Variants in PTPRG observed in about 807,000 individuals in gnomAD.
PTPRG encodes receptor-type tyrosine-protein phosphatase gamma.
Under a neutral mutation model 165.3 loss-of-function variants are expected in PTPRG, and 102 were observed. The observed-to-expected ratio is 0.62, with a 90% CI of 0.53 to 0.73. The LOEUF (loss-of-function observed/expected upper bound fraction) is 0.73. PTPRG is among the 30% of genes least tolerant of loss of function. The pLI, the probability that PTPRG is intolerant of heterozygous loss-of-function variation, is 0.00. For synonymous variants in PTPRG, 675 were observed against 669.5 expected (o/e 1.01, Z -0.13); for missense variants, 1,866 against 1,861.4 (o/e 1.00, Z -0.05).
chr3:62,088,019 G>A (rs1701806485), intron 5 of PTPRG, among the ~76,000 whole-genome samples: 1 of 152,160 alleles, frequency 6.6e-6, no homozygotes, highest in South Asian at 2.1e-4. Flanking sequence ...GGTTATGTAA[G>A]CATAGTGTGA....
In PTPRG at chr3:62,255,695, T is replaced by C. The variant is rs1489012885; in HGVS notation, c.2559+480T>C. On this transcript the variant is annotated intron_variant, in intron 16 of 29. Transcript: ENST00000474889. The surrounding 1 kb of genome is among the most constrained non-coding windows in gnomAD (Gnocchi z 4.0). ...CCCCAGTTTTCCCATTTTTGAAAAA[T>C]GGCACCAATGTCACCTACATTGTAA... Among the ~76,000 whole-genome samples, 2 of 152,148 alleles carry C rather than the reference T, an allele frequency of 1.3e-5. No homozygotes were observed. Among genetic ancestry groups the C allele is most frequent in the African/African-American group, 4.8e-5 (2 of 41,436 alleles).
intron 1 of PTPRG, among the ~76,000 whole-genome samples, chr3:61,740,707 T>A (rs542257978): frequency 6.6e-6 from 1 of 152,304 alleles, no homozygotes; most frequent in African/African-American, 2.4e-5. Flanking sequence ...GATTCCTCTT[T>A]CCCTTGAATT....
At chr3:61,926,612 C>CCTCCCTCCCTCCCTCCTTCT (rs2039219291) in intron 2 of PTPRG, among the ~76,000 whole-genome samples, 1 of 136,182 alleles carries the variant, frequency 7.3e-6, no homozygotes, top group Non-Finnish European at 1.5e-5. Context: ...TCCCTCCCTC[C>CCTCCCTCCCTCCCTCCTTCT]TTCCTTCCTT....
At chr3:61,819,827 T>C (rs1055524605) in intron 2 of PTPRG, among the ~76,000 whole-genome samples, 5 of 152,198 alleles carry the variant, frequency 3.3e-5, no homozygotes, top group Non-Finnish European at 7.3e-5. Context: ...TAAATGAGAT[T>C]AAGGAATACC....
At chr3:62,197,529 C>T (rs1440811687) in intron 10 of PTPRG, among the ~76,000 whole-genome samples, 1 of 152,122 alleles carries the variant, frequency 6.6e-6, no homozygotes, top group Non-Finnish European at 1.5e-5. Flanking sequence ...ACATATTGGT[C>T]TCTTTCCCTG....
chr3:61,582,478 A>C (rs555618304), intron 1 of PTPRG, among the ~76,000 whole-genome samples: 1 of 152,294 alleles, frequency 6.6e-6, no homozygotes, highest in East Asian at 1.9e-4. Context: ...ACAGCATGAG[A>C]TAGAACAATT....
chr3:61,681,701 T>A (rs1231205114), intron 1 of PTPRG, among the ~76,000 whole-genome samples: 1 of 152,214 alleles, frequency 6.6e-6, no homozygotes, highest in Non-Finnish European at 1.5e-5. Context: ...GTATTTGATA[T>A]GGGCATGTAG....
At chr3:61,925,420 A>C (rs940182080) in intron 2 of PTPRG, among the ~76,000 whole-genome samples, 4 of 152,116 alleles carry the variant, frequency 2.6e-5, no homozygotes, top group African/African-American at 9.7e-5. Flanking sequence ...CTTCTTCATC[A>C]CCGGAAGCCC....
chr3:61,913,256 A>G (rs1021988285), intron 2 of PTPRG, among the ~76,000 whole-genome samples: 16 of 151,882 alleles, frequency 1.1e-4, no homozygotes, highest in Admixed American at 5.2e-4. Flanking sequence ...GTCTCGCTCT[A>G]TCACCCAGGC....
chr3:62,081,129 C>T (rs1411235769), intron 5 of PTPRG, among the ~76,000 whole-genome samples: 2 of 151,466 alleles, frequency 1.3e-5, no homozygotes, highest in Admixed American at 1.3e-4. Context: ...TGGTGGCGGG[C>T]ACCTGTAGTC....
At chr3:61,780,903 A>G (rs192856095) in intron 2 of PTPRG, among the ~76,000 whole-genome samples, 23 of 152,256 alleles carry the variant, frequency 1.5e-4, no homozygotes, top group Non-Finnish European at 3.1e-4. Flanking sequence ...GCGTGATATT[A>G]TAAGTTAATG....
intron 1 of PTPRG, among the ~76,000 whole-genome samples, chr3:61,621,437 G>T (rs1314870956): frequency 6.6e-6 from 1 of 152,198 alleles, no homozygotes; most frequent in African/African-American, 2.4e-5. Flanking sequence ...CTCCCCAGGT[G>T]TGGGGTGTAG....
intron 1 of PTPRG, among the ~76,000 whole-genome samples, chr3:61,587,093 C>T (rs954340380): frequency 1.3e-5 from 2 of 152,152 alleles, no homozygotes; most frequent in African/African-American, 2.4e-5. Context: ...TGACAGTATA[C>T]ACAGTCTTGA....
In PTPRG at chr3:61,866,263, C is replaced by G. The variant is rs541525255; in HGVS notation, c.190+117281C>G. On this transcript the variant is annotated intron_variant, in intron 2 of 29. Coordinates refer to ENST00000474889, the MANE Select transcript of PTPRG (RefSeq NM_002841.4). Reference sequence around the variant, plus strand: ...CTGCATATTAAATACCTGCACTTCCCTTTTCCCATCCTGATACAGATGATT... The same window carrying G: ...CTGCATATTAAATACCTGCACTTCCGTTTTCCCATCCTGATACAGATGATT... 1.1e-4 allele frequency among the ~76,000 whole-genome samples: 17 copies of G among 152,282 alleles called. No individual in the cohort carries two copies. In the South Asian group the frequency reaches 2.7e-3, roughly 24 times the overall value.
Position 62,132,601 on chromosome 3 carries a change from G to C in PTPRG, c.616-1G>C. ...ACCAATCATGTTTCCTTTACATTTA[G>C]GTCAGTCCGAGGGACAATTCTGCAC... On this transcript the variant is annotated splice_acceptor_variant, in intron 5 of 29. Coordinates refer to ENST00000474889, the MANE Select transcript of PTPRG (RefSeq NM_002841.4). LOFTEE classifies it high-confidence loss of function. The C allele has an allele frequency of 6.2e-7, 1 of 1,604,398 alleles. No homozygotes were observed. The highest frequency in any genetic ancestry group is 8.5e-7 in the Non-Finnish European group (1 of 1,171,184).
At position 61,887,123 on chromosome 3, in the gene PTPRG, C is replaced by CATATATAT. The variant is rs148352398; in HGVS notation, c.191-102461_191-102454dup. ...ATTTTTAAAGTATAACCATAGCATG[C>CATATATAT]ATATATATATATATATATATATATA... On this transcript the variant is annotated intron_variant, in intron 2 of 29. Transcript: ENST00000474889. 6.0e-3 allele frequency among the ~76,000 whole-genome samples: 515 copies of CATATATAT among 85,786 alleles called. 33 individuals carry two copies. Among genetic ancestry groups the CATATATAT allele is most frequent in the Middle Eastern group, 0.01 (2 of 196 alleles). 56.3% of individuals were successfully genotyped at this position (85,786 alleles called of 152,430 possible).
At chr3:61,755,507 C>G (rs1433180018) in intron 2 of PTPRG, among the ~76,000 whole-genome samples, 2 of 152,182 alleles carry the variant, frequency 1.3e-5, no homozygotes, top group African/African-American at 4.8e-5. Flanking sequence ...ATTAATCTTA[C>G]AGTTTTAAAG....
rs1216967376 is a variant in PTPRG at position 62,228,905 on chromosome 3, ACTGGAC to A, written c.2289-2318_2289-2313del. Among the ~76,000 whole-genome samples the A allele has an allele frequency of 6.6e-6, 1 of 152,222 alleles. No individual in the cohort carries two copies. The highest frequency in any genetic ancestry group is 1.5e-5 in the Non-Finnish European group (1 of 68,032). On this transcript the variant is annotated intron_variant, in intron 13 of 29. Coordinates refer to ENST00000474889, the MANE Select transcript of PTPRG (RefSeq NM_002841.4). This position sits in a 1 kb window ranked among gnomAD's most constrained non-coding sequence, Gnocchi z 4.1. ...CATCTTTTCTACCAACAGACCATTTACTGGACCACAGGTATTCTGGCATCATTTTTT... is the reference window on the plus strand; with the variant it reads ...CATCTTTTCTACCAACAGACCATTTACACAGGTATTCTGGCATCATTTTTT...
intron 1 of PTPRG, among the ~76,000 whole-genome samples, chr3:61,617,035 T>C (rs1393046984): frequency 1.3e-5 from 2 of 152,232 alleles, no homozygotes; most frequent in Non-Finnish European, 2.9e-5. Context: ...GTGTGCCTGA[T>C]CCTGGTTTGT....
Sources: gnomAD v4.1 joint callset for allele counts (sites outside exome capture counted in the v4.1 genomes callset) on GRCh38, gnomAD v4.1.1 for gene constraint, Gnocchi (gnomAD v3.1) non-coding constraint, MANE v1.5 for transcripts, NCBI Gene and HGNC (gene_info 2026-07-23, HGNC 2026-07-21) for gene names.